The following SLC7A1 variants were observed in gnomAD, a reference collection of about 807,000 sequenced individuals.
SLC7A1 encodes high affinity cationic amino acid transporter 1.
Under a neutral mutation model 53.9 loss-of-function variants are expected in SLC7A1, and 10 were observed. The observed-to-expected ratio is 0.19, with a 90% CI of 0.11 to 0.31. The LOEUF (loss-of-function observed/expected upper bound fraction) is 0.31. SLC7A1 is among the 10% of genes least tolerant of loss of function. SLC7A1 has a pLI of 1.00. For missense variants in SLC7A1, 525 were observed against 827.2 expected (o/e 0.63, Z 4.48); for synonymous variants, 342 against 338.7 (o/e 1.01, Z -0.11).
At chr13:29,575,998 G>A (rs988262992) in intron 1 of SLC7A1, among the ~76,000 whole-genome samples, 6 of 152,020 alleles carry the variant, frequency 3.9e-5, no homozygotes, top group African/African-American at 1.5e-4. Context: ...GAATTATCAA[G>A]AAATTTAGGC....
At chr13:29,572,987 A>G (rs538864737) in intron 1 of SLC7A1, among the ~76,000 whole-genome samples, 3 of 152,346 alleles carry the variant, frequency 2.0e-5, no homozygotes, top group Non-Finnish European at 4.4e-5. Context: ...GCCACAGACA[A>G]GTGGCTGGTA....
At position 29,532,895 on chromosome 13, in the gene SLC7A1, G is replaced by C; in HGVS notation, c.458C>G (p.Thr153Ser). 6.2e-7 allele frequency: 1 copy of C among 1,614,174 alleles called. No individual in the cohort carries two copies. The highest frequency in any genetic ancestry group is 8.5e-7 in the Non-Finnish European group (1 of 1,180,030). The part of the protein sequence containing the change: ...PIGEFSRTHM[T>S]LNAPGVLAEN... ...AGCCAGCACGCCGGGGGCGTTCAGA[G>C]TCATGTGTGTCCGTGAGAACTCCCC... is the stretch of plus-strand genomic sequence containing the variant. Residue 153 changes from threonine to serine, a missense_variant, in exon 4 of 13, where the codon ACT becomes AGT. Thr to Ser is a moderately conservative substitution (Grantham distance 58). Transcript: ENST00000380752.
chr13:29,567,253 G>C (rs1348134000), intron 1 of SLC7A1, among the ~76,000 whole-genome samples: 2 of 151,830 alleles, frequency 1.3e-5, no homozygotes, highest in South Asian at 2.1e-4. Flanking sequence ...CCATACACGT[G>C]GTTTTTAAGC....
At chr13:29,530,368 T>C (rs1055692603) in intron 5 of SLC7A1, among the ~76,000 whole-genome samples, 170 bp downstream of exon 5, 11 of 152,218 alleles carry the variant, frequency 7.2e-5, no homozygotes, top group Admixed American at 2.6e-4. Flanking sequence ...ACAAACTTGA[T>C]ACATACAAAA....
intron 2 of SLC7A1, among the ~76,000 whole-genome samples, chr13:29,551,967 T>C (rs1235452333): frequency 6.6e-6 from 1 of 152,150 alleles, no homozygotes; most frequent in African/African-American, 2.4e-5. Context: ...CCCCAGGAAC[T>C]TGAAGCTTAT....
rs1391427523 is a variant in SLC7A1 at position 29,532,433 on chromosome 13, C to T, written c.529+391G>A. The stretch of plus-strand genomic sequence containing the variant: ...AGTGTTCCAGACGGAGCTCATTCCT[C>T]CACATTTTCCTGGCTGATGAATGAC... On this transcript the variant is annotated intron_variant, in intron 4 of 12. Coordinates refer to ENST00000380752, the MANE Select transcript of SLC7A1 (RefSeq NM_003045.5). Among the ~76,000 whole-genome samples the T allele has an allele frequency of 3.9e-5, 6 of 152,226 alleles. No individual in the cohort carries two copies. The South Asian group carries it at 8.3e-4, about 21-fold the overall frequency.
chr13:29,594,950 G>C (rs1042789489), intron 1 of SLC7A1, among the ~76,000 whole-genome samples: 2 of 152,104 alleles, frequency 1.3e-5, no homozygotes, highest in Non-Finnish European at 2.9e-5. Context: ...CGGACCTCGT[G>C]GCGGGGCGGG....
rs148923884 is a variant in SLC7A1, at chr13:29,587,537, C to A, written c.-115+7879G>T. Among the ~76,000 whole-genome samples the A allele has an allele frequency of 2.2e-3, 330 of 152,308 alleles. 1 individual carries two copies. Among genetic ancestry groups the A allele is most frequent in the African/African-American group, 7.7e-3 (318 of 41,554 alleles). On this transcript the variant is annotated intron_variant, in intron 1 of 12. Coordinates refer to ENST00000380752, the MANE Select transcript of SLC7A1 (RefSeq NM_003045.5). Reference sequence around the variant, plus strand: ...CAACCACATGAAGCACCCAAGAGCTCACTGATATGGGGCCAGTGCTGTTTC... The same window carrying A: ...CAACCACATGAAGCACCCAAGAGCTAACTGATATGGGGCCAGTGCTGTTTC...
intron 1 of SLC7A1, among the ~76,000 whole-genome samples, chr13:29,577,015 A>G (rs1397036680): frequency 6.6e-6 from 1 of 152,184 alleles, no homozygotes; most frequent in Non-Finnish European, 1.5e-5. Context: ...TTTTTTAATC[A>G]CCTAAATTTA....
chr13:29,516,564 C>T (rs1279847528), intron 11 of SLC7A1, among the ~76,000 whole-genome samples: 1 of 152,256 alleles, frequency 6.6e-6, no homozygotes, highest in East Asian at 1.9e-4. Flanking sequence ...CGGACCTCCA[C>T]TTTACCTCTA....
At chr13:29,530,406 A>T (rs1244717999) in intron 5 of SLC7A1, 132 bp downstream of exon 5, 1 of 884,572 alleles carries the variant, frequency 1.1e-6, no homozygotes, top group Middle Eastern at 2.4e-4. Flanking sequence ...CTGCAAAAAC[A>T]CAAAACAATT....
At chr13:29,544,156 G>C (rs551128060) in intron 2 of SLC7A1, among the ~76,000 whole-genome samples, 2 of 152,226 alleles carry the variant, frequency 1.3e-5, no homozygotes, top group African/African-American at 4.8e-5. Context: ...AACCCAGTGC[G>C]ATCTTTACAG....
chr13:29,526,251 G>T (rs1244378956), intron 5 of SLC7A1, among the ~76,000 whole-genome samples: 1 of 152,190 alleles, frequency 6.6e-6, no homozygotes, highest in African/African-American at 2.4e-5. Context: ...AATCACCTGA[G>T]GCCATAAGTT....
chr13:29,514,135 A>G lies in SLC7A1; in HGVS notation c.*345T>C, dbSNP rs2139062237. On this transcript the variant is annotated 3_prime_UTR_variant, in exon 13 of 13. Transcript: ENST00000380752. Reference sequence around the variant, plus strand: ...CCCCGGGAGGAAGGCCTGGTTCCCAAGATAAGGAGAGAAGGTGACCTCCGT... The same window carrying G: ...CCCCGGGAGGAAGGCCTGGTTCCCAGGATAAGGAGAGAAGGTGACCTCCGT... 1 of 275,808 alleles carries G rather than the reference A, an allele frequency of 3.6e-6. No homozygotes were observed. The highest frequency in any genetic ancestry group is 7.0e-5 in the South Asian group (1 of 14,246). The allele number at this position is 275,808 out of a possible 1,614,324, so 17.1% of individuals were successfully genotyped here.
chr13:29,549,164 G>A (rs1481425678), intron 2 of SLC7A1, among the ~76,000 whole-genome samples: 1 of 152,220 alleles, frequency 6.6e-6, no homozygotes, highest in Admixed American at 6.5e-5. Flanking sequence ...CTCTATCAGA[G>A]AGGAGAATGC....
intron 1 of SLC7A1, among the ~76,000 whole-genome samples, chr13:29,579,064 C>T (rs558922689): frequency 6.6e-6 from 1 of 152,350 alleles, no homozygotes; most frequent in South Asian, 2.1e-4. Flanking sequence ...CTAGATATCT[C>T]AACACAGAGC....
chr13:29,533,376 A>T (rs1190995190), intron 3 of SLC7A1, among the ~76,000 whole-genome samples: 1 of 152,230 alleles, frequency 6.6e-6, no homozygotes, highest in African/African-American at 2.4e-5. Flanking sequence ...AATTGATTTC[A>T]TAATGCACTC....
intron 1 of SLC7A1, among the ~76,000 whole-genome samples, chr13:29,571,048 C>T (rs1010291916): frequency 6.6e-6 from 1 of 152,062 alleles, no homozygotes; most frequent in Non-Finnish European, 1.5e-5. Context: ...TCATTAGTAG[C>T]CAACTTATAA....
intron 9 of SLC7A1, 53 bp downstream of exon 9, chr13:29,519,394 G>A: frequency 9.6e-7 from 1 of 1,041,066 alleles, no homozygotes; most frequent in Non-Finnish European, 1.5e-6. Flanking sequence ...CTGTGAAAAG[G>A]CTACCAGGTG....
Sources: allele counts gnomAD v4.1 joint callset (sites outside exome capture counted in the v4.1 genomes callset), GRCh38; gene constraint gnomAD v4.1.1; transcripts MANE v1.5; gene names NCBI Gene and HGNC (gene_info 2026-07-23, HGNC 2026-07-21).